Variants in CCND2 observed in about 807,000 individuals in gnomAD.
CCND2 encodes G1/S-specific cyclin-D2.
A neutral mutation model predicts 30.2 loss-of-function variants in CCND2; 6 were observed. The observed-to-expected ratio is 0.20, with a 90% CI of 0.11 to 0.39. The LOEUF is 0.39. Among genes scored for constraint, CCND2 ranks in the 10% least tolerant of loss-of-function variants. CCND2 has a pLI of 1.00. For missense variants in CCND2, 235 were observed against 373.4 expected, an observed-to-expected ratio of 0.63 and a Z score of 3.06; for synonymous variants, 150 against 153.1, an observed-to-expected ratio of 0.98 and a Z score of 0.15.
rs1565436794 is a variant in CCND2 at position 4,293,545 on chromosome 12, C to G, written c.720+4555C>G. ...ACACAGTACCCAATAGGGAGTGTTT[C>G]AACTCTCGTCCCTGTCCCTAGACAC... On this transcript the variant is annotated intron_variant, in intron 4 of 4. Transcript: ENST00000261254. The surrounding 1 kb of genome is among the most constrained non-coding windows in gnomAD (Gnocchi z 4.9). 1.3e-5 allele frequency among the ~76,000 whole-genome samples: 2 copies of G among 152,318 alleles called. No homozygotes were observed. The highest frequency in any genetic ancestry group is 3.9e-4 in the East Asian group (2 of 5,184).
chr12:4,285,594 A>C lies in CCND2; in HGVS notation c.572-3248A>C, dbSNP rs929563501. The C allele has an allele frequency of 5.0e-5, 10 of 198,838 alleles. No individual in the cohort carries two copies. Among genetic ancestry groups the C allele is most frequent in the Non-Finnish European group, 8.1e-5 (9 of 110,900 alleles). 12.3% of individuals were successfully genotyped at this position (198,838 alleles called of 1,614,324 possible). A position where few individuals can be genotyped will look rare whatever the true frequency, so the allele number is the denominator to read the frequency against. On this transcript the variant is annotated intron_variant, in intron 3 of 4. Transcript: ENST00000261254. The surrounding 1 kb of genome is among the most constrained non-coding windows in gnomAD (Gnocchi z 4.1). ...CCATGGTTGTAATCTTCATCGTCGC[A>C]TGCATGCATGCAATTTGGTTTTCCG...
chr12:4,285,668 G>A lies in CCND2; in HGVS notation c.572-3174G>A, dbSNP rs923078311. Among the ~76,000 whole-genome samples the A allele has an allele frequency of 6.6e-6, 1 of 152,200 alleles. No homozygotes were observed. Among genetic ancestry groups the A allele is most frequent in the Non-Finnish European group, 1.5e-5 (1 of 68,034 alleles). On this transcript the variant is annotated intron_variant, in intron 3 of 4. Coordinates refer to ENST00000261254, the MANE Select transcript of CCND2 (RefSeq NM_001759.4). The surrounding 1 kb of genome is among the most constrained non-coding windows in gnomAD (Gnocchi z 4.1). ...GTGACCATTTCTCCATCCTGTCATAGCGACAAAGCTGATGGTTTCCAGGAA... is the reference window on the plus strand; with the variant it reads ...GTGACCATTTCTCCATCCTGTCATAACGACAAAGCTGATGGTTTCCAGGAA...
At chr12:4,275,974 GC>G in intron 1 of CCND2, 30 bp from the exon 2 acceptor site, 1 of 511,684 alleles carries the variant, frequency 2.0e-6, no homozygotes, top group Non-Finnish European at 3.0e-6. Flanking sequence ...CTCCACCCCC[GC>G]CCCCCAACCC....
At chr12:4,296,874 CCAA>C (rs1864176991) in intron 4 of CCND2, among the ~76,000 whole-genome samples, 1 of 152,096 alleles carries the variant, frequency 6.6e-6, no homozygotes, top group South Asian at 2.1e-4. Context: ...ACTGTTAGGT[CCAA>C]CGTTTCACTC....
chr12:4,283,807 G>C (rs1229854705), intron 3 of CCND2, among the ~76,000 whole-genome samples: 2 of 152,208 alleles, frequency 1.3e-5, no homozygotes, highest in East Asian at 3.8e-4. Flanking sequence ...ATGAATTGTG[G>C]AATGTGCTGG....
Position 4,302,513 on chromosome 12 carries a change from C to T in CCND2, c.*2504C>T, listed in dbSNP as rs1864264126. The stretch of plus-strand genomic sequence containing the variant: ...CACCTTGTGTTTAGGATCATCTCTG[C>T]AGGTTTCCTAGGTCTGAATCTGCGA... On this transcript the variant is annotated 3_prime_UTR_variant, in exon 5 of 5. Transcript: ENST00000261254. 1 of 233,002 alleles carries T rather than the reference C, an allele frequency of 4.3e-6. No homozygotes were observed. Among genetic ancestry groups the T allele is most frequent in the East Asian group, 6.0e-5 (1 of 16,546 alleles). 14.4% of individuals were successfully genotyped at this position (233,002 alleles called of 1,614,324 possible).
At chr12:4,288,804 G>C in intron 3 of CCND2, 38 bp from the exon 4 acceptor site, 1 of 1,580,502 alleles carries the variant, frequency 6.3e-7, no homozygotes, top group Non-Finnish European at 8.6e-7. Flanking sequence ...ATCCAAATTC[G>C]TTCTGTGCCC....
intron 2 of CCND2, among the ~76,000 whole-genome samples, chr12:4,277,231 C>T (rs1863887099): frequency 6.6e-6 from 1 of 152,296 alleles, no homozygotes; most frequent in Non-Finnish European, 1.5e-5. Flanking sequence ...CTGGTTTGGT[C>T]CGAGAGGCCT....
At chr12:4,297,914 T>C (rs1402367289) in intron 4 of CCND2, 4 of 404,920 alleles carry the variant, frequency 9.9e-6, no homozygotes, top group Admixed American at 5.5e-5. Context: ...ACGTCTGTCA[T>C]GTTCAGCACT....
chr12:4,288,898 G>A lies in CCND2; in HGVS notation c.628G>A (p.Ala210Thr), dbSNP rs202056442. The A allele has an allele frequency of 6.2e-7, 1 of 1,613,888 alleles. No individual in the cohort carries two copies. Among genetic ancestry groups the A allele is most frequent in the Non-Finnish European group, 8.5e-7 (1 of 1,179,916 alleles). ...GATCGCAACTGGAAGTGTGGGAGCA[G>A]CCATCTGTGGGCTCCAGCAGGATGA... Reference protein sequence around the residue: ...SMIATGSVGAAICGLQQDEEV... With the variant: ...SMIATGSVGATICGLQQDEEV... The change falls in exon 4 of 5, where the codon GCC becomes ACC. Residue 210 changes from alanine (A) to threonine (T), a missense_variant. Coordinates refer to ENST00000261254, the MANE Select transcript of CCND2 (RefSeq NM_001759.4).
At chr12:4,289,737 G>A (rs933732906) in intron 4 of CCND2, among the ~76,000 whole-genome samples, 4 of 152,158 alleles carry the variant, frequency 2.6e-5, no homozygotes, top group African/African-American at 4.8e-5. Flanking sequence ...GTCCTAGCCC[G>A]TCCGAGACAG....
chr12:4,288,033 C>T (rs1403922746), intron 3 of CCND2, among the ~76,000 whole-genome samples: 3 of 152,274 alleles, frequency 2.0e-5, no homozygotes, highest in South Asian at 2.1e-4. Context: ...GTCATAACAT[C>T]GAAACCGAGT....
intron 4 of CCND2, among the ~76,000 whole-genome samples, chr12:4,290,155 C>T (rs970324112): frequency 3.3e-5 from 5 of 152,206 alleles, no homozygotes; most frequent in African/African-American, 1.2e-4. Context: ...ACAGGTTAAA[C>T]CTCAGAGAGC....
At position 4,300,835 on chromosome 12, in the gene CCND2, C is replaced by G. The variant is rs1273827050; in HGVS notation, c.*826C>G. 9 of 233,536 alleles carry G rather than the reference C, an allele frequency of 3.9e-5. No homozygotes were observed. Among genetic ancestry groups the G allele is most frequent in the Non-Finnish European group, 5.9e-5 (7 of 118,050 alleles). 14.5% of individuals were successfully genotyped at this position (233,536 alleles called of 1,614,324 possible). The stretch of plus-strand genomic sequence containing the variant: ...GGCAGATGGAGACCAAGGGTGGGAT[C>G]CAGAATGGAGTCTTTTCTGTTATTG... On this transcript the variant is annotated 3_prime_UTR_variant, in exon 5 of 5. Coordinates refer to ENST00000261254, the MANE Select transcript of CCND2 (RefSeq NM_001759.4).
chr12:4,274,460 G>C lies in CCND2; in HGVS notation c.195+225G>C, dbSNP rs1001449652. On this transcript the variant is annotated intron_variant, in intron 1 of 4. Coordinates refer to ENST00000261254, the MANE Select transcript of CCND2 (RefSeq NM_001759.4). This position sits in a 1 kb window ranked among gnomAD's most constrained non-coding sequence, Gnocchi z 7.7. ...AGGAAAATCTGGGAGAAGCGAGGCT[G>C]TCCTGGGCGGGGGTAGGGGAGCATC... Among the ~76,000 whole-genome samples the C allele has an allele frequency of 2.0e-5, 3 of 152,228 alleles. No individual in the cohort carries two copies. Among genetic ancestry groups the C allele is most frequent in the African/African-American group, 7.2e-5 (3 of 41,468 alleles).
Position 4,287,299 on chromosome 12 carries a change from C to T in CCND2, c.572-1543C>T, listed in dbSNP as rs1384337382. 6.6e-6 allele frequency among the ~76,000 whole-genome samples: 1 copy of T among 152,108 alleles called. No individual in the cohort carries two copies. Among genetic ancestry groups the T allele is most frequent in the Non-Finnish European group, 1.5e-5 (1 of 68,020 alleles). Reference sequence around the variant, plus strand: ...GTCTAACAATGCTGCTAACTTGATGCTGGGGCAATGGGCTGACCATTAAAA... The same window carrying T: ...GTCTAACAATGCTGCTAACTTGATGTTGGGGCAATGGGCTGACCATTAAAA... On this transcript the variant is annotated intron_variant, in intron 3 of 4. Transcript: ENST00000261254. This position sits in a 1 kb window ranked among gnomAD's most constrained non-coding sequence, Gnocchi z 4.0.
At chr12:4,295,139 T>G (rs559305499) in intron 4 of CCND2, among the ~76,000 whole-genome samples, 1 of 152,380 alleles carries the variant, frequency 6.6e-6, no homozygotes, top group South Asian at 2.1e-4. Flanking sequence ...GGTATTCATA[T>G]GCAAGGCATG....
In CCND2 at chr12:4,276,767, G is replaced by A. The variant is rs1344627361; in HGVS notation, c.411+547G>A. Among the ~76,000 whole-genome samples the A allele has an allele frequency of 6.6e-6, 1 of 152,182 alleles. No individual in the cohort carries two copies. Among genetic ancestry groups the A allele is most frequent in the Non-Finnish European group, 1.5e-5 (1 of 68,042 alleles). ...ATGTGGCCTTTCACTGAAGGAGTCC[G>A]AGGCCTGGGTTCCTACCTCCAGTGG... On this transcript the variant is annotated intron_variant, in intron 2 of 4. Transcript: ENST00000261254. The surrounding 1 kb of genome is among the most constrained non-coding windows in gnomAD (Gnocchi z 4.8).
chr12:4,302,297 A>C lies in CCND2; in HGVS notation c.*2288A>C, dbSNP rs1376394121. On this transcript the variant is annotated 3_prime_UTR_variant, in exon 5 of 5. Transcript: ENST00000261254. ...TTCAAGGCAGACGTTCAGTACAAACATTTATGCGGTAGGCTCAGATGTCGT... is the reference window on the plus strand; with the variant it reads ...TTCAAGGCAGACGTTCAGTACAAACCTTTATGCGGTAGGCTCAGATGTCGT... The C allele has an allele frequency of 8.6e-6, 2 of 232,978 alleles. No homozygotes were observed. The highest frequency in any genetic ancestry group is 1.7e-5 in the Non-Finnish European group (2 of 117,894). 14.4% of individuals were successfully genotyped at this position (232,978 alleles called of 1,614,324 possible).
Sources: gnomAD v4.1 joint callset for allele counts (sites outside exome capture counted in the v4.1 genomes callset) on GRCh38, gnomAD v4.1.1 for gene constraint, Gnocchi (gnomAD v3.1) non-coding constraint, MANE v1.5 for transcripts, NCBI Gene and HGNC (gene_info 2026-07-23, HGNC 2026-07-21) for gene names.